UBXN2A: variants seen among roughly 807,000 people sequenced by gnomAD.
UBXN2A encodes the protein UBX domain-containing protein 2A.
Under a neutral mutation model 28.4 loss-of-function variants are expected in UBXN2A, and 28 were observed. The ratio of observed to expected loss-of-function variants is 0.99; its 90% CI spans 0.73 to 1.35. UBXN2A has a LOEUF of 1.35. Ranked by LOEUF, UBXN2A falls within the 40% of genes most tolerant of loss-of-function variation. The pLI, the probability that UBXN2A is intolerant of heterozygous loss-of-function variation, is 0.00. For missense variants in UBXN2A, 253 were observed against 297.9 expected, an observed-to-expected ratio of 0.85 and a Z score of 1.11; for synonymous variants, 97 against 103.6, an observed-to-expected ratio of 0.94 and a Z score of 0.39.
intron 1 of UBXN2A, among the ~76,000 whole-genome samples, chr2:23,945,988 C>A (rs1278960113): frequency 1.3e-5 from 2 of 151,478 alleles, no homozygotes; most frequent in African/African-American, 4.8e-5. Flanking sequence ...TGTGTTCCCA[C>A]GTCCGGCTAG....
At chr2:23,999,062 A>G (rs1708648656) in intron 6 of UBXN2A, among the ~76,000 whole-genome samples, 1 of 152,226 alleles carries the variant, frequency 6.6e-6, no homozygotes, top group African/African-American at 2.4e-5. Flanking sequence ...CAGGTTTAAT[A>G]AAGTGGCACG....
chr2:23,928,418 A>G (rs1705217891), intron 1 of UBXN2A, among the ~76,000 whole-genome samples: 1 of 152,014 alleles, frequency 6.6e-6, no homozygotes, highest in African/African-American at 2.4e-5. Context: ...TCTACTAAAA[A>G]TACAAAAAAT....
intron 1 of UBXN2A, among the ~76,000 whole-genome samples, chr2:23,930,290 A>C (rs937584368): frequency 1.3e-5 from 2 of 152,178 alleles, no homozygotes; most frequent in African/African-American, 4.8e-5. Context: ...ATATAAGTAA[A>C]TAAATAAATC....
chr2:23,946,623 T>C (rs1706095306), intron 1 of UBXN2A, among the ~76,000 whole-genome samples: 1 of 151,820 alleles, frequency 6.6e-6, no homozygotes, highest in African/African-American at 2.4e-5. Flanking sequence ...GCCTGGCCAA[T>C]TTTTGTATTT....
At chr2:23,984,560 T>TA (rs1300788336) in intron 5 of UBXN2A, 113 bp from the exon 6 acceptor site, 1 of 928,420 alleles carries the variant, frequency 1.1e-6, no homozygotes, top group East Asian at 3.5e-5. Context: ...ACATATAACT[T>TA]AAAAAATCTT....
At chr2:23,958,176 A>C (rs1485827774) in intron 1 of UBXN2A, 125 bp from the exon 2 acceptor site, 1 of 548,288 alleles carries the variant, frequency 1.8e-6, no homozygotes, top group Non-Finnish European at 3.1e-6. Context: ...GATGAAAATG[A>C]CAGCTTTGAG....
intron 1 of UBXN2A, among the ~76,000 whole-genome samples, chr2:23,931,583 G>A (rs897525795): frequency 6.6e-6 from 1 of 152,162 alleles, no homozygotes; most frequent in Non-Finnish European, 1.5e-5. Context: ...GCAAGAGGTG[G>A]CAAGATACTA....
At chr2:23,951,897 C>T (rs1160550461) in intron 1 of UBXN2A, among the ~76,000 whole-genome samples, 3 of 151,342 alleles carry the variant, frequency 2.0e-5, no homozygotes, top group African/African-American at 4.9e-5. Flanking sequence ...AGGAATACTA[C>T]GTTTGAAGGA....
At chr2:23,930,700 A>G (rs921520450) in intron 1 of UBXN2A, among the ~76,000 whole-genome samples, 1 of 152,154 alleles carries the variant, frequency 6.6e-6, no homozygotes, top group Non-Finnish European at 1.5e-5. Context: ...CCATCTCTAT[A>G]AATTAAAATA....
At chr2:23,980,001 TAAGTA>T (rs1476049978) in intron 4 of UBXN2A, among the ~76,000 whole-genome samples, 2 of 152,132 alleles carry the variant, frequency 1.3e-5, no homozygotes, top group Non-Finnish European at 2.9e-5. Context: ...AGTATATAGT[TAAGTA>T]TTTTTAATAT....
At chr2:23,971,438 C>T in intron 3 of UBXN2A, 24 bp downstream of exon 3, 2 of 1,472,806 alleles carry the variant, frequency 1.4e-6, no homozygotes, top group South Asian at 1.5e-5. Context: ...TATTACTTTT[C>T]TTTTTCTTTC....
At chr2:23,950,684 A>G (rs1475042882) in intron 1 of UBXN2A, among the ~76,000 whole-genome samples, 4 of 151,686 alleles carry the variant, frequency 2.6e-5, no homozygotes, top group African/African-American at 7.3e-5. Context: ...GATTACAGGC[A>G]TGAGCCTCTG....
At chr2:23,940,943 G>A (rs1336399002) in intron 1 of UBXN2A, among the ~76,000 whole-genome samples, 2 of 152,142 alleles carry the variant, frequency 1.3e-5, no homozygotes, top group Middle Eastern at 3.2e-3. Context: ...CTCGCAGGGC[G>A]TTCCGAAACT....
intron 1 of UBXN2A, among the ~76,000 whole-genome samples, chr2:23,957,376 C>T (rs909733858): frequency 3.3e-5 from 5 of 152,154 alleles, no homozygotes; most frequent in Non-Finnish European, 7.3e-5. Context: ...GATTTCAGCA[C>T]ACTGCAACCT....
At position 23,982,967 on chromosome 2, in the gene UBXN2A, A is replaced by T; in HGVS notation, c.359A>T (p.Asn120Ile). 1 of 1,612,504 alleles carries T rather than the reference A, an allele frequency of 6.2e-7. No individual in the cohort carries two copies. Among genetic ancestry groups the T allele is most frequent in the South Asian group, 1.1e-5 (1 of 90,698 alleles). The change falls in exon 5 of 7, where the codon AAT becomes ATT. Residue 120 changes from asparagine to isoleucine, a missense_variant. Physicochemically the swap from Asn to Ile is moderately radical, Grantham distance 149. Transcript: ENST00000309033. ...EVDVKVEDKK[N>I]EICLSTKPVF... ...GACGTTAAAGTTGAAGACAAGAAAA[A>T]TGAAATATGTTTGTCTACGAAGCCT... is the stretch of plus-strand genomic sequence containing the variant.
chr2:23,967,726 T>G (rs558421411), intron 2 of UBXN2A, among the ~76,000 whole-genome samples: 6 of 152,166 alleles, frequency 3.9e-5, no homozygotes, highest in African/African-American at 1.4e-4. Context: ...AAATCACTAG[T>G]GTTATAAGAA....
At position 24,004,231 on chromosome 2, in the gene UBXN2A, A is replaced by G. The variant is rs1432815899; in HGVS notation, c.*4364A>G. The G allele has an allele frequency of 1.5e-5, 1 of 67,884 alleles. No individual in the cohort carries two copies. Among genetic ancestry groups the G allele is most frequent in the East Asian group, 7.1e-4 (1 of 1,412 alleles). 4.2% of individuals were successfully genotyped at this position (67,884 alleles called of 1,614,324 possible). A position where few individuals can be genotyped will look rare whatever the true frequency, so the allele number is the denominator to read the frequency against. On this transcript the variant is annotated 3_prime_UTR_variant, in exon 7 of 7. Transcript: ENST00000309033. Reference sequence around the variant, plus strand: ...TTATCAAAAGAGGTTGACTTTGGAAAACAAACAATTTGCTAAGGGAAGGAA... The same window carrying G: ...TTATCAAAAGAGGTTGACTTTGGAAGACAAACAATTTGCTAAGGGAAGGAA...
intron 3 of UBXN2A, among the ~76,000 whole-genome samples, chr2:23,974,406 C>T (rs1339309692): frequency 1.7e-4 from 23 of 138,524 alleles, no homozygotes; most frequent in South Asian, 1.2e-3. Flanking sequence ...AGTGCAGTGG[C>T]GTGATCTCGG....
chr2:23,964,979 A>G (rs1707103515), intron 2 of UBXN2A, among the ~76,000 whole-genome samples: 1 of 152,128 alleles, frequency 6.6e-6, no homozygotes, highest in Non-Finnish European at 1.5e-5. Context: ...CCTCATGCCT[A>G]CAAAATACAA....
Sources: gnomAD v4.1 joint callset for allele counts (sites outside exome capture counted in the v4.1 genomes callset) on GRCh38, gnomAD v4.1.1 for gene constraint, MANE v1.5 for transcripts, NCBI Gene and HGNC (gene_info 2026-07-23, HGNC 2026-07-21) for gene names.